Variants in BCL9L observed in about 807,000 individuals in gnomAD.
The protein encoded by BCL9L is BCL9 like, also known as B-cell CLL/lymphoma 9-like protein.
Under a neutral mutation model 99.4 loss-of-function variants are expected in BCL9L, and 19 were observed. That is an observed-to-expected ratio of 0.19 (90% CI 0.13 to 0.28). BCL9L has a LOEUF of 0.28. Ranked by LOEUF, BCL9L falls within the 10% of genes least tolerant of loss-of-function variation. The pLI, the probability that BCL9L is intolerant of heterozygous loss-of-function variation, is 1.00. For missense variants in BCL9L, 2,023 were observed against 2,101.6 expected (o/e 0.96, Z 0.73); for synonymous variants, 900 against 854.8 (o/e 1.05, Z -0.92).
At chr11:118,915,491 C>T (rs939945392) in intron 2 of BCL9L, among the ~76,000 whole-genome samples, 2 of 152,184 alleles carry the variant, frequency 1.3e-5, no homozygotes, top group East Asian at 1.9e-4. Context: ...TGGCTCCTCC[C>T]CTGCCCTCCT....
chr11:118,922,244 G>C lies in BCL9L; in HGVS notation c.-131+2994C>G, dbSNP rs1472997312. Among the ~76,000 whole-genome samples, 1 of 152,192 alleles carries C rather than the reference G, an allele frequency of 6.6e-6. No homozygotes were observed. The highest frequency in any genetic ancestry group is 1.5e-5 in the Non-Finnish European group (1 of 68,016). On this transcript the variant is annotated intron_variant, in intron 1 of 9. Transcript: ENST00000683865. The surrounding 1 kb of genome is among the most constrained non-coding windows in gnomAD (Gnocchi z 6.2). ...GAGGAAATTCCAGGCTGTAAGTCCA[G>C]GCAGCCTTCAGGGCCGCCGAGCCAA...
chr11:118,924,022 G>A (rs1285650659), intron 1 of BCL9L, among the ~76,000 whole-genome samples: 5 of 152,182 alleles, frequency 3.3e-5, no homozygotes, highest in Non-Finnish European at 7.3e-5. Context: ...CCCATGCTGA[G>A]AGGCAGCAGA....
intron 2 of BCL9L, among the ~76,000 whole-genome samples, chr11:118,911,766 C>T (rs564722287): frequency 5.3e-4 from 81 of 152,376 alleles, no homozygotes; most frequent in Admixed American, 1.8e-3. Flanking sequence ...CCCCACCTCC[C>T]CACGCCAGCC....
chr11:118,905,865 G>A (rs865962022), intron 5 of BCL9L, among the ~76,000 whole-genome samples: 1 of 151,904 alleles, frequency 6.6e-6, no homozygotes, highest in Non-Finnish European at 1.5e-5. Flanking sequence ...AGGGTAGTAC[G>A]ACTAAAATAG....
chr11:118,898,311 C>CCCCCCCCCCCCCCCCCACCCACCCCCCA lies in BCL9L; in HGVS notation c.*103_*104insTGGGGGGTGGGTGGGGGGGGGGGGGGGG. ...CTACACAAGCCCCCTCCCACCCCCTCCACCCCACCCCGCGACCCAGGCCAT... is the reference window on the plus strand; with the variant it reads ...CTACACAAGCCCCCTCCCACCCCCTCCCCCCCCCCCCCCCCCACCCACCCCCCACACCCCACCCCGCGACCCAGGCCAT... On this transcript the variant is annotated 3_prime_UTR_variant, in exon 10 of 10. Transcript: ENST00000683865. 1.6e-6 allele frequency: 1 copy of CCCCCCCCCCCCCCCCCACCCACCCCCCA among 638,132 alleles called. No individual in the cohort carries two copies. The allele number at this position is 638,132 out of a possible 1,614,324, so 39.5% of individuals were successfully genotyped here.
chr11:118,899,351 A>G lies in BCL9L; in HGVS notation c.3564T>C (p.His1188=), dbSNP rs1940098068. The part of the protein sequence containing the change: ...PTPLGSNIPL[H]PNAQGTGGPP... Reference sequence around the variant, plus strand: ...GCCCCCCTGTCCCCTGTGCGTTGGGATGCAGTGGAATGTTGGAGCCCAGAG... The same window carrying G: ...GCCCCCCTGTCCCCTGTGCGTTGGGGTGCAGTGGAATGTTGGAGCCCAGAG... The change falls in exon 10 of 10, where the codon CAT becomes CAC. Residue 1188 remains histidine, a synonymous_variant. Transcript: ENST00000683865. 1 of 1,488,790 alleles carries G rather than the reference A, an allele frequency of 6.7e-7. No individual in the cohort carries two copies. Among genetic ancestry groups the G allele is most frequent in the African/African-American group, 1.4e-5 (1 of 70,698 alleles). 92.2% of individuals were successfully genotyped at this position (1,488,790 alleles called of 1,614,324 possible). A position where few individuals can be genotyped will look rare whatever the true frequency, so the allele number is the denominator to read the frequency against.
rs540383108 is a variant in BCL9L, at chr11:118,903,352, G to C, written c.633C>G (p.His211Gln). ...LSESSVPGAP[H>Q]GPPPGLRPDA... is the part of the protein sequence containing the mutation. ...CAGGCCGAAGGCCAGGAGGAGGGCC[G>C]TGCGGGGCGCCTGGCACGCTGCTCT... Residue 211 changes from histidine (H) to glutamine (Q), a missense_variant, in exon 6 of 10, where the codon CAC becomes CAG. By Grantham distance (24) the His-to-Gln change is conservative. Transcript: ENST00000683865. This position sits in a 1 kb window ranked among gnomAD's most constrained non-coding sequence, Gnocchi z 5.6. 4 of 1,601,184 alleles carry C rather than the reference G, an allele frequency of 2.5e-6. No individual in the cohort carries two copies. Among genetic ancestry groups the C allele is most frequent in the Non-Finnish European group, 2.6e-6 (3 of 1,174,440 alleles).
At chr11:118,913,356 C>T (rs1308686221) in intron 2 of BCL9L, among the ~76,000 whole-genome samples, 1 of 152,128 alleles carries the variant, frequency 6.6e-6, no homozygotes, top group Non-Finnish European at 1.5e-5. Flanking sequence ...GGGGGGTGAT[C>T]GGCGGTTTTG....
intron 5 of BCL9L, among the ~76,000 whole-genome samples, chr11:118,906,866 C>A (rs998719857): frequency 6.6e-6 from 1 of 152,056 alleles, no homozygotes; most frequent in Non-Finnish European, 1.5e-5. Context: ...AAGATGTAAA[C>A]GTAAACTTTG....
chr11:118,910,222 G>A (rs1940720635), intron 2 of BCL9L: 1 of 474,236 alleles, frequency 2.1e-6, no homozygotes, highest in Non-Finnish European at 3.9e-6. Flanking sequence ...CAGGGGGCTT[G>A]CAGTCTCCAG....
chr11:118,908,129 G>T (rs1049556956), intron 4 of BCL9L, 141 bp downstream of exon 4: 2 of 1,242,146 alleles, frequency 1.6e-6, no homozygotes, highest in Admixed American at 6.2e-5. Flanking sequence ...GGTGGGTGTT[G>T]AAAGGTACCC....
rs1940914092 is a variant in BCL9L, at chr11:118,914,754, TA to T, written c.-77+4071del. Among the ~76,000 whole-genome samples the T allele has an allele frequency of 6.6e-6, 1 of 152,200 alleles. No individual in the cohort carries two copies. The highest frequency in any genetic ancestry group is 2.4e-5 in the African/African-American group (1 of 41,442). ...GGCCTCCTCTCCCACACCCATTCAG[TA>T]AAGCTGCTCCCAGAGGAGGTCTGGT... On this transcript the variant is annotated intron_variant, in intron 2 of 9. Coordinates refer to ENST00000683865, the MANE Select transcript of BCL9L (RefSeq NM_001378213.1). The surrounding 1 kb of genome is among the most constrained non-coding windows in gnomAD (Gnocchi z 4.4).
chr11:118,917,929 T>C (rs2134437923), intron 2 of BCL9L, among the ~76,000 whole-genome samples: 1 of 151,978 alleles, frequency 6.6e-6, no homozygotes, highest in South Asian at 2.1e-4. Context: ...AAAGGTCAAG[T>C]GGGACTCACC....
intron 1 of BCL9L, among the ~76,000 whole-genome samples, chr11:118,923,084 G>A (rs1941188819): frequency 6.6e-6 from 1 of 151,972 alleles, no homozygotes; most frequent in South Asian, 2.1e-4. Flanking sequence ...CCTGGAGGAG[G>A]GCTGCAGAGC....
rs79654456 is a variant in BCL9L at position 118,898,594 on chromosome 11, C to G, written c.4321G>C (p.Val1441Leu). The change falls in exon 10 of 10, where the codon GTG (valine) becomes CTG (leucine). Residue 1441 changes from valine to leucine, a missense_variant. By Grantham distance (32) the Val-to-Leu change is conservative. Around this residue, in one of 3 missense-constraint regions of BCL9L, gnomAD observed 902 missense variants for 888.2 expected, o/e 1.02. Transcript: ENST00000683865. ...QNFMLMKQRG[V>L]GGEVYSQPPH... ...GGCTGGCTGTAGACCTCGCCCCCCA[C>G]GCCCCGCTGCTTCATCAGCATGAAA... 2.5e-6 allele frequency: 4 copies of G among 1,611,698 alleles called. No individual in the cohort carries two copies. The African/African-American group carries it at 5.3e-5, about 22-fold the overall frequency.
rs1161286208 is a variant in BCL9L, at chr11:118,921,347, A to T, written c.-130-2468T>A. Among the ~76,000 whole-genome samples the T allele has an allele frequency of 6.7e-6, 1 of 149,614 alleles. No homozygotes were observed. Among genetic ancestry groups the T allele is most frequent in the Non-Finnish European group, 1.5e-5 (1 of 68,004 alleles). On this transcript the variant is annotated intron_variant, in intron 1 of 9. Transcript: ENST00000683865. This position sits in a 1 kb window ranked among gnomAD's most constrained non-coding sequence, Gnocchi z 5.4. ...TCAGACACACAAACTTGCAGCGCAGAGTGTGTGAAGTCGGATTAGAAGGCA... is the reference window on the plus strand; with the variant it reads ...TCAGACACACAAACTTGCAGCGCAGTGTGTGTGAAGTCGGATTAGAAGGCA...
rs372895748 is a variant in BCL9L, at chr11:118,901,650, G to A, written c.2093C>T (p.Ala698Val). ...SMGMQRPLGM[A>V]GSGMGQSMEM... Reference sequence around the variant, plus strand: ...CATGCTCTGTCCCATGCCACTGCCTGCCATGCCCAGGGGGCGCTGCATGCC... The same window carrying A: ...CATGCTCTGTCCCATGCCACTGCCTACCATGCCCAGGGGGCGCTGCATGCC... The change falls in exon 8 of 10, where the codon GCA becomes GTA. Residue 698 changes from alanine (A) to valine (V), a missense_variant. Ala to Val is a moderately conservative substitution (Grantham distance 64). This residue lies in a region of BCL9L where 1,116 missense variants were observed against 1,194.6 expected (regional missense o/e 0.93). Coordinates refer to ENST00000683865, the MANE Select transcript of BCL9L (RefSeq NM_001378213.1). The surrounding 1 kb of genome is among the most constrained non-coding windows in gnomAD (Gnocchi z 6.6). 2.3e-5 allele frequency: 37 copies of A among 1,613,660 alleles called. No individual in the cohort carries two copies. Among genetic ancestry groups the A allele is most frequent in the Non-Finnish European group, 3.1e-5 (36 of 1,180,030 alleles).
intron 2 of BCL9L, among the ~76,000 whole-genome samples, chr11:118,912,360 G>A (rs1332077514): frequency 1.3e-5 from 2 of 152,202 alleles, no homozygotes; most frequent in African/African-American, 2.4e-5. Context: ...GTGGGGAGGG[G>A]TAGCAAGCTC....
Position 118,910,934 on chromosome 11 carries a change from C to A in BCL9L, c.-76-919G>T, listed in dbSNP as rs1940764672. The stretch of plus-strand genomic sequence containing the variant: ...CCAGGAAGCTAGAGGCGCGCCGAGG[C>A]CAGGGAAGCGCCGCCGGAGCGGGAG... On this transcript the variant is annotated intron_variant, in intron 2 of 9. Coordinates refer to ENST00000683865, the MANE Select transcript of BCL9L (RefSeq NM_001378213.1). The A allele has an allele frequency of 2.0e-4, 22 of 109,574 alleles. 2 individuals carry two copies. Among genetic ancestry groups the A allele is most frequent in the South Asian group, 1.1e-3 (22 of 20,280 alleles). The allele number at this position is 109,574 out of a possible 1,614,324, so 6.8% of individuals were successfully genotyped here.
Sources: gnomAD v4.1 joint callset for allele counts (sites outside exome capture counted in the v4.1 genomes callset) on GRCh38, gnomAD v4.1.1 for gene constraint, gnomAD v4.1.1 regional missense constraint, Gnocchi (gnomAD v3.1) non-coding constraint, MANE v1.5 for transcripts, NCBI Gene and HGNC (gene_info 2026-07-23, HGNC 2026-07-21) for gene names.